CSMD2: variants seen among roughly 807,000 people sequenced by gnomAD.
The protein encoded by CSMD2 is CUB and sushi domain-containing protein 2.
CSMD2 carries 130 observed loss-of-function variants against 398.5 expected under a neutral mutation model. That is an observed-to-expected ratio of 0.33 (90% CI 0.28 to 0.38). CSMD2 has a LOEUF of 0.38. Ranked by LOEUF, CSMD2 falls within the 10% of genes least tolerant of loss-of-function variation. The probability of loss-of-function intolerance (pLI) is 1.00; values close to 1 mark genes in which losing one functional copy is unlikely to be tolerated. For synonymous variants in CSMD2, 1,828 were observed against 1,908.5 expected (o/e 0.96, Z 1.10); for missense variants, 3,829 against 4,764.9 (o/e 0.80, Z 5.78).
rs201980484 is a variant in CSMD2, at chr1:33,788,687, G to C, written c.1576C>G (p.Leu526Val). 81 of 1,613,384 alleles carry C rather than the reference G, an allele frequency of 5.0e-5. No individual in the cohort carries two copies. Among genetic ancestry groups the C allele is most frequent in the Non-Finnish European group, 8.5e-7 (1 of 1,179,320 alleles). ...ATTTGATGATTGGTGCTGACAATGA[G>C]ATCCGGGACCGATGTACCTGTCAGG... is the stretch of plus-strand genomic sequence containing the variant. Reference protein sequence around the residue: ...YILTGTSVPDLIVSTNHQMWL... With the variant: ...YILTGTSVPDVIVSTNHQMWL... Residue 526 changes from leucine (L) to valine (V), a missense_variant, in exon 12 of 71, where the codon CTC becomes GTC. By Grantham distance (32) the Leu-to-Val change is conservative. Transcript: ENST00000373381.
chr1:33,956,799 T>A (rs1032978656), intron 3 of CSMD2, among the ~76,000 whole-genome samples: 1 of 152,118 alleles, frequency 6.6e-6, no homozygotes, highest in Admixed American at 6.5e-5. Flanking sequence ...CAGCCACTCT[T>A]CACACAGCAG....
intron 53 of CSMD2, among the ~76,000 whole-genome samples, chr1:33,562,699 T>A (rs1658686031): frequency 6.6e-6 from 1 of 152,188 alleles, no homozygotes; most frequent in Non-Finnish European, 1.5e-5. Context: ...TTAGATGAGA[T>A]AACATTTCAA....
At chr1:34,105,224 A>C (rs1267340565) in intron 1 of CSMD2, among the ~76,000 whole-genome samples, 2 of 152,174 alleles carry the variant, frequency 1.3e-5, no homozygotes, top group Non-Finnish European at 2.9e-5. Context: ...CACTATCAAC[A>C]TTTTGGGTGG....
intron 2 of CSMD2, 56 bp from the exon 3 acceptor site, chr1:34,032,762 C>G (rs768904770): frequency 1.0e-5 from 13 of 1,253,876 alleles, no homozygotes; most frequent in African/African-American, 1.5e-5. Context: ...ACTACACATC[C>G]ACGAAGCATT....
intron 2 of CSMD2, among the ~76,000 whole-genome samples, chr1:34,075,350 C>T (rs771761357): frequency 6.6e-6 from 1 of 152,246 alleles, no homozygotes; most frequent in African/African-American, 2.4e-5. Flanking sequence ...GCAAGGCACA[C>T]CTTTTAAGGA....
chr1:34,017,001 G>T (rs4652981), intron 3 of CSMD2, among the ~76,000 whole-genome samples: 33,044 of 152,048 alleles, frequency 0.22, 4,269 homozygotes, highest in East Asian at 0.57. Context: ...AACTGGCACT[G>T]TTTTCTTTCT....
intron 31 of CSMD2, among the ~76,000 whole-genome samples, chr1:33,634,975 C>A (rs1243797229): frequency 1.3e-5 from 2 of 152,154 alleles, no homozygotes; most frequent in African/African-American, 2.4e-5. Flanking sequence ...CAGTTTCTCA[C>A]CAACTCTGTC....
At chr1:33,878,623 A>T (rs929917167) in intron 5 of CSMD2, among the ~76,000 whole-genome samples, 4 of 152,216 alleles carry the variant, frequency 2.6e-5, no homozygotes, top group Admixed American at 6.5e-5. Context: ...GCCCTCATTG[A>T]TCTGTTTACC....
rs1469152421 is a variant in CSMD2, at chr1:33,527,109, G to A, written c.10234+87C>T. 6 of 1,198,714 alleles carry A rather than the reference G, an allele frequency of 5.0e-6. No individual in the cohort carries two copies. The East Asian group carries it at 1.4e-4, about 28-fold the overall frequency. 74.3% of individuals were successfully genotyped at this position (1,198,714 alleles called of 1,614,324 possible). On this transcript the variant is annotated intron_variant, in intron 65 of 70. Transcript: ENST00000373381. ...TTCATGCCCTTCCTCTAGGCACTCA[G>A]CAACTCTCAGCAACACGAGTTTTCT...
intron 33 of CSMD2, among the ~76,000 whole-genome samples, chr1:33,626,015 G>GCAAA (rs1642103512): frequency 6.6e-6 from 1 of 152,216 alleles, no homozygotes; most frequent in African/African-American, 2.4e-5. Context: ...TTACAGGTGA[G>GCAAA]CAAACAGGCT....
chr1:33,642,962 G>A (rs748271285), intron 29 of CSMD2, among the ~76,000 whole-genome samples: 11 of 152,158 alleles, frequency 7.2e-5, no homozygotes, highest in Non-Finnish European at 1.5e-4. Flanking sequence ...CCCCTGTGCT[G>A]AGCCCAACTG....
At chr1:33,589,056 C>T (rs1348445898) in intron 44 of CSMD2, among the ~76,000 whole-genome samples, 1 of 152,202 alleles carries the variant, frequency 6.6e-6, no homozygotes, top group Non-Finnish European at 1.5e-5. Context: ...TAAATGTTTT[C>T]TATAGACGCA....
At chr1:33,766,836 T>C (rs1650567036) in intron 13 of CSMD2, among the ~76,000 whole-genome samples, 1 of 152,338 alleles carries the variant, frequency 6.6e-6, no homozygotes, top group South Asian at 2.1e-4. Flanking sequence ...AATAGAGGCA[T>C]GCCATGTTTC....
intron 21 of CSMD2, among the ~76,000 whole-genome samples, chr1:33,711,197 G>A (rs1390466954): frequency 1.3e-5 from 2 of 152,092 alleles, no homozygotes; most frequent in African/African-American, 2.4e-5. Context: ...TTGTCGGGGG[G>A]AGGGGGAGTT....
At chr1:33,582,392 G>C (rs988495173) in intron 47 of CSMD2, among the ~76,000 whole-genome samples, 5 of 152,140 alleles carry the variant, frequency 3.3e-5, no homozygotes, top group African/African-American at 1.2e-4. Flanking sequence ...GAACAAAACA[G>C]ATCATTAGTA....
chr1:33,758,678 G>T (rs1343435080), intron 13 of CSMD2, among the ~76,000 whole-genome samples: 2 of 152,162 alleles, frequency 1.3e-5, no homozygotes, highest in African/African-American at 4.8e-5. Context: ...TTCTCTCCTT[G>T]CCCTTGCTAT....
chr1:34,161,046 G>T (rs980786264), intron 1 of CSMD2, among the ~76,000 whole-genome samples: 3 of 152,180 alleles, frequency 2.0e-5, no homozygotes, highest in African/African-American at 7.2e-5. Context: ...AAAGTAGCTA[G>T]GTTCGAGAAT....
At chr1:33,551,229 G>A (rs1657416087) in intron 55 of CSMD2, among the ~76,000 whole-genome samples, 1 of 152,234 alleles carries the variant, frequency 6.6e-6, no homozygotes. Flanking sequence ...GGACTGGAAT[G>A]AGCCAGGACA....
chr1:33,889,193 A>G (rs1641814460), intron 5 of CSMD2, among the ~76,000 whole-genome samples: 1 of 152,254 alleles, frequency 6.6e-6, no homozygotes, highest in Non-Finnish European at 1.5e-5. Flanking sequence ...TGATTTTAAT[A>G]CATGTTAAAA....
Sources: allele counts gnomAD v4.1 joint callset (sites outside exome capture counted in the v4.1 genomes callset), GRCh38; gene constraint gnomAD v4.1.1; transcripts MANE v1.5; gene names NCBI Gene and HGNC (gene_info 2026-07-23, HGNC 2026-07-21).